Variants in ABCC5 observed in about 807,000 individuals in gnomAD.
ABCC5 encodes the protein ATP-binding cassette sub-family C member 5.
Under a neutral mutation model 160.9 loss-of-function variants are expected in ABCC5, and 61 were observed. The ratio of observed to expected loss-of-function variants is 0.38; its 90% confidence interval spans 0.31 to 0.47. The LOEUF (loss-of-function observed/expected upper bound fraction) is 0.47, where lower values mean the gene tolerates loss of function less well. Ranked by LOEUF, ABCC5 falls within the 20% of genes least tolerant of loss-of-function variation. ABCC5 has a pLI of 0.99. For synonymous variants in ABCC5, 666 were observed against 700.6 expected (o/e 0.95, Z 0.78); for missense variants, 1,308 against 1,813.3 (o/e 0.72, Z 5.06).
intron 17 of ABCC5, among the ~76,000 whole-genome samples, chr3:183,956,219 T>C (rs1218745114): frequency 2.0e-5 from 3 of 148,268 alleles, no homozygotes; most frequent in African/African-American, 7.5e-5. Flanking sequence ...CAGATCCGTG[T>C]GTAAATCACA....
rs1323612939 is a variant in ABCC5 at position 183,978,124 on chromosome 3, C to G, written c.1296+379G>C. ...CAGTAAATATGAACCACAGGATGAT[C>G]TGTAATTTCAGAATTAAACTCAAAC... On this transcript the variant is annotated intron_variant, in intron 9 of 29. Transcript: ENST00000334444. 3.3e-5 allele frequency among the ~76,000 whole-genome samples: 5 copies of G among 152,094 alleles called. No homozygotes were observed. In the East Asian group the frequency reaches 5.8e-4, roughly 18 times the overall value.
intron 9 of ABCC5, among the ~76,000 whole-genome samples, chr3:183,978,281 G>T (rs1209398445): frequency 6.6e-6 from 1 of 151,914 alleles, no homozygotes; most frequent in Non-Finnish European, 1.5e-5. Context: ...GGTCCAGTAA[G>T]GAGAGGACCA....
In ABCC5 at chr3:183,978,605, G is replaced by A. The variant is rs1171252226; in HGVS notation, c.1194C>T (p.Phe398=). The A allele has an allele frequency of 8.1e-6, 13 of 1,613,820 alleles. No individual in the cohort carries two copies. In the South Asian group the frequency reaches 1.4e-4, roughly 18 times the overall value. Residue 398 remains phenylalanine, a synonymous_variant, in exon 9 of 30, where the codon TTC becomes TTT. Transcript: ENST00000334444. ...ERRILEKAGY[F]QSITVGVAPI... The stretch of plus-strand genomic sequence containing the variant: ...GAGCCACACCCACAGTGATGCTCTG[G>A]AAGTACCCAGCTTTTTCCAATATCC...
At chr3:183,983,574 C>T in intron 5 of ABCC5, 1 of 227,738 alleles carries the variant, frequency 4.4e-6, no homozygotes, top group Non-Finnish European at 7.3e-6. Flanking sequence ...GCCCCACTCC[C>T]GACTCCCTCC....
chr3:183,928,165 T>G (rs1712789726), intron 27 of ABCC5, among the ~76,000 whole-genome samples: 1 of 150,790 alleles, frequency 6.6e-6, no homozygotes, highest in Admixed American at 6.7e-5. Context: ...CAGGCTGGAG[T>G]GCAGTGGTGC....
chr3:183,972,126 G>A lies in ABCC5; in HGVS notation c.1405-207C>T, dbSNP rs372773290. ...TGGGGCAACCTCAAGAGGTCCAGGGGCCTTATCAATGACCCAATATTCCAC... is the reference window on the plus strand; with the variant it reads ...TGGGGCAACCTCAAGAGGTCCAGGGACCTTATCAATGACCCAATATTCCAC... On this transcript the variant is annotated intron_variant, in intron 10 of 29. Coordinates refer to ENST00000334444, the MANE Select transcript of ABCC5 (RefSeq NM_005688.4). 2.2e-5 allele frequency: 21 copies of A among 940,542 alleles called. No individual in the cohort carries two copies. The Admixed American group carries it at 3.0e-4, about 14-fold the overall frequency. The allele number at this position is 940,542 out of a possible 1,614,324, so 58.3% of individuals were successfully genotyped here.
rs1169605799 is a variant in ABCC5, at chr3:183,952,023, T to C, written c.2668-20A>G. The C allele has an allele frequency of 6.2e-7, 1 of 1,600,300 alleles. No individual in the cohort carries two copies. Among genetic ancestry groups the C allele is most frequent in the East Asian group, 2.2e-5 (1 of 44,496 alleles). On this transcript the variant is annotated intron_variant, in intron 18 of 29. Transcript: ENST00000334444. ...GGTGTTCTGTTTGAAGCCAAAGTTC[T>C]ATGAGGCCAGACTCCTAACGACTGC... is the stretch of plus-strand genomic sequence containing the variant.
chr3:183,941,972 C>CA (rs202190698), intron 25 of ABCC5, among the ~76,000 whole-genome samples: 12,307 of 138,292 alleles, frequency 0.089, 552 homozygotes, highest in East Asian at 0.18. Context: ...GACTTTGTCT[C>CA]AAAAAAAAAA....
chr3:183,991,041 G>A (rs969085703), intron 2 of ABCC5, among the ~76,000 whole-genome samples: 3 of 152,046 alleles, frequency 2.0e-5, no homozygotes, highest in Non-Finnish European at 2.9e-5. Flanking sequence ...ATGGTGGCTC[G>A]CGCCTGTAAT....
At chr3:183,968,971 A>C (rs1439590021) in intron 11 of ABCC5, among the ~76,000 whole-genome samples, 1 of 152,232 alleles carries the variant, frequency 6.6e-6, no homozygotes, top group East Asian at 1.9e-4. Context: ...AGTTTTTGAC[A>C]TGGTCCACGA....
intron 12 of ABCC5, chr3:183,967,490 T>C: frequency 1.8e-6 from 1 of 550,690 alleles, no homozygotes; most frequent in Non-Finnish European, 3.3e-6. Context: ...CAGTCATCCA[T>C]CAGGCGCCCA....
intron 13 of ABCC5, 30 bp from the exon 14 acceptor site, chr3:183,965,287 A>C (rs1338968314): frequency 6.2e-7 from 1 of 1,614,182 alleles, no homozygotes; most frequent in African/African-American, 1.3e-5. Context: ...AGCGTCAGGG[A>C]CACGGCGGGA....
At chr3:183,999,389 CT>C (rs1186360922) in intron 2 of ABCC5, among the ~76,000 whole-genome samples, 1 of 152,080 alleles carries the variant, frequency 6.6e-6, no homozygotes, top group Non-Finnish European at 1.5e-5. Flanking sequence ...AGAGAAAAGA[CT>C]TAATATATTC....
chr3:183,947,425 T>C lies in ABCC5; in HGVS notation c.3313A>G (p.Ile1105Val), dbSNP rs199569867. The C allele has an allele frequency of 1.2e-6, 2 of 1,613,666 alleles. No homozygotes were observed. The highest frequency in any genetic ancestry group is 1.7e-6 in the Non-Finnish European group (2 of 1,179,802). The part of the protein sequence containing the change: ...MRWLAVRLDL[I>V]SIALITTTGL... ...GTGGTGGTGATGAGGGCGATGCTGA[T>C]GAGGTCCAGCCGCACAGCCAGCCAC... The change falls in exon 23 of 30, where the codon ATC becomes GTC. Residue 1105 changes from isoleucine to valine, a missense_variant. By Grantham distance (29) the Ile-to-Val change is conservative. This residue lies in a region of ABCC5 where 1,142 missense variants were observed against 1,527.1 expected (regional missense o/e 0.75). Transcript: ENST00000334444.
intron 2 of ABCC5, chr3:184,009,960 C>A: frequency 2.3e-6 from 1 of 432,208 alleles, no homozygotes. Flanking sequence ...AACAGCCTGG[C>A]CAACAGTGAG....
At position 183,982,710 on chromosome 3, in the gene ABCC5, C is replaced by T; in HGVS notation, c.825+64G>A. On this transcript the variant is annotated intron_variant, in intron 6 of 29. Transcript: ENST00000334444. The surrounding 1 kb of genome is among the most constrained non-coding windows in gnomAD (Gnocchi z 5.2). ...GGAAGATAAAGGATAAGGCAGGGCCCTAGAGGAATGAACCTCAAGCTAGGA... is the reference window on the plus strand; with the variant it reads ...GGAAGATAAAGGATAAGGCAGGGCCTTAGAGGAATGAACCTCAAGCTAGGA... The T allele has an allele frequency of 6.2e-7, 1 of 1,608,532 alleles. No homozygotes were observed.
chr3:183,939,018 C>T lies in ABCC5; in HGVS notation c.3695-958G>A, dbSNP rs6790814. ...ATTTGAAAAGTTTACATAAGTAATACGAGATGACATCATCAATCTCCCATA... is the reference window on the plus strand; with the variant it reads ...ATTTGAAAAGTTTACATAAGTAATATGAGATGACATCATCAATCTCCCATA... On this transcript the variant is annotated intron_variant, in intron 25 of 29. Transcript: ENST00000334444. Among the ~76,000 whole-genome samples, 766 of 152,254 alleles carry T rather than the reference C, an allele frequency of 5.0e-3. 12 individuals carry two copies. The highest frequency in any genetic ancestry group is 0.017 in the African/African-American group (715 of 41,542).
In ABCC5 at chr3:183,987,501, G is replaced by C; in HGVS notation, c.591+269C>G. 1.7e-6 allele frequency: 1 copy of C among 602,864 alleles called. No homozygotes were observed. The highest frequency in any genetic ancestry group is 2.0e-5 in the South Asian group (1 of 50,136). The allele number at this position is 602,864 out of a possible 1,614,324, so 37.3% of individuals were successfully genotyped here. A position where few individuals can be genotyped will look rare whatever the true frequency, so the allele number is the denominator to read the frequency against. ...TGTCAGTTCATGTTAACACACAACCGAGAAGCACAGTCCTGTGCAGAACTG... is the reference window on the plus strand; with the variant it reads ...TGTCAGTTCATGTTAACACACAACCCAGAAGCACAGTCCTGTGCAGAACTG... On this transcript the variant is annotated intron_variant, in intron 5 of 29. Transcript: ENST00000334444. This position sits in a 1 kb window ranked among gnomAD's most constrained non-coding sequence, Gnocchi z 4.2.
At chr3:183,958,384 G>C (rs1332302126) in intron 17 of ABCC5, among the ~76,000 whole-genome samples, 2 of 152,188 alleles carry the variant, frequency 1.3e-5, no homozygotes, top group Non-Finnish European at 2.9e-5. Flanking sequence ...TAAGAGTTGT[G>C]AGTAGCCAGG....
Sources: gnomAD v4.1 joint callset for allele counts (sites outside exome capture counted in the v4.1 genomes callset) on GRCh38, gnomAD v4.1.1 for gene constraint, gnomAD v4.1.1 regional missense constraint, Gnocchi (gnomAD v3.1) non-coding constraint, MANE v1.5 for transcripts, NCBI Gene and HGNC (gene_info 2026-07-23, HGNC 2026-07-21) for gene names.